The following ETV5 variants were observed in gnomAD, a reference collection of about 807,000 sequenced individuals.
ETV5 encodes the protein ETS variant transcription factor 5.
Under a neutral mutation model 70.0 loss-of-function variants are expected in ETV5, and 10 were observed. That is an observed-to-expected ratio of 0.14 (90% CI 0.09 to 0.24). The LOEUF is 0.24. Ranked by LOEUF, ETV5 falls within the 10% of genes least tolerant of loss-of-function variation. The pLI, the probability that ETV5 is intolerant of heterozygous loss-of-function variation, is 1.00. For synonymous variants in ETV5, 216 were observed against 242.2 expected (o/e 0.89, Z 1.01); for missense variants, 453 against 651.2 (o/e 0.70, Z 3.31).
intron 7 of ETV5, among the ~76,000 whole-genome samples, chr3:186,074,307 T>C (rs1164420939): frequency 1.3e-5 from 2 of 152,134 alleles, no homozygotes; most frequent in Admixed American, 6.5e-5. Flanking sequence ...AACTGTAAAA[T>C]GTGAAGACAC....
rs928566701 is a variant in ETV5, at chr3:186,065,880, G to C, written c.843C>G (p.Pro281=). ...TTGGTGACTGGAACCCGTGTGCTGG[G>C]GGCCCTGGCATGCCCGGGACCCCAT... ...YEHGVPGMPG[P]PAHGFQSPMG... Residue 281 remains proline (P), a synonymous_variant, in exon 8 of 13, where the codon CCC becomes CCG. Coordinates refer to ENST00000306376, the MANE Select transcript of ETV5 (RefSeq NM_004454.3). 5 of 1,614,032 alleles carry C rather than the reference G, an allele frequency of 3.1e-6. No homozygotes were observed. The highest frequency in any genetic ancestry group is 1.7e-4 in the Middle Eastern group (1 of 6,060).
At chr3:186,083,619 T>A (rs1713984711) in intron 5 of ETV5, among the ~76,000 whole-genome samples, 2 of 152,250 alleles carry the variant, frequency 1.3e-5, no homozygotes, top group Non-Finnish European at 2.9e-5. Context: ...CACATCATTT[T>A]GGCTCTAAAT....
chr3:186,084,281 C>CAA, intron 5 of ETV5: 1 of 169,828 alleles, frequency 5.9e-6, no homozygotes. Flanking sequence ...AAAAGAAATG[C>CAA]TAAAAAAAAA....
intron 7 of ETV5, chr3:186,076,731 C>T (rs372639519): frequency 1.6e-5 from 3 of 188,956 alleles, no homozygotes; most frequent in African/African-American, 7.0e-5. Flanking sequence ...GTCTAAATCA[C>T]AGGTTTTTAT....
chr3:186,049,318 A>G (rs1166783341), intron 12 of ETV5, among the ~76,000 whole-genome samples: 1 of 152,222 alleles, frequency 6.6e-6, no homozygotes, highest in Non-Finnish European at 1.5e-5. Context: ...CAGAAGCCTT[A>G]AGTATGTTCC....
intron 5 of ETV5, among the ~76,000 whole-genome samples, chr3:186,093,806 G>A (rs1714242858): frequency 6.6e-6 from 1 of 152,186 alleles, no homozygotes; most frequent in South Asian, 2.1e-4. Flanking sequence ...CAGACAGGGG[G>A]AAAGATGGGG....
rs1206443125 is a variant in ETV5, at chr3:186,057,492, C to T, written c.971-1G>A. The T allele has an allele frequency of 6.2e-7, 1 of 1,612,598 alleles. No individual in the cohort carries two copies. Among genetic ancestry groups the T allele is most frequent in the African/African-American group, 1.3e-5 (1 of 74,850 alleles). On this transcript the variant is annotated splice_acceptor_variant, in intron 9 of 12. Coordinates refer to ENST00000306376, the MANE Select transcript of ETV5 (RefSeq NM_004454.3). LOFTEE classifies it high-confidence loss of function. This position sits in a 1 kb window ranked among gnomAD's most constrained non-coding sequence, Gnocchi z 4.9. ...CGGGGATCTTTTTCATATGAAAAAC[C>T]TGAAAGAGAATTTAAAAGAAAGACT...
chr3:186,106,535 G>A (rs1042105700), intron 1 of ETV5, among the ~76,000 whole-genome samples: 1 of 152,144 alleles, frequency 6.6e-6, no homozygotes, highest in Non-Finnish European at 1.5e-5. Context: ...AACAGATATA[G>A]CATCTGTAAT....
intron 5 of ETV5, among the ~76,000 whole-genome samples, chr3:186,093,552 C>T (rs1407141542): frequency 3.3e-5 from 5 of 152,130 alleles, no homozygotes; most frequent in Non-Finnish European, 7.3e-5. Flanking sequence ...CAATCAAATA[C>T]CCAGATGAAA....
At chr3:186,051,378 C>T (rs1235652416) in intron 12 of ETV5, among the ~76,000 whole-genome samples, 3 of 152,336 alleles carry the variant, frequency 2.0e-5, no homozygotes, top group African/African-American at 7.2e-5. Context: ...CTTGCCATTC[C>T]CATCTTCTAC....
At chr3:186,088,258 C>G (rs1180263918) in intron 5 of ETV5, among the ~76,000 whole-genome samples, 1 of 152,244 alleles carries the variant, frequency 6.6e-6, no homozygotes, top group Non-Finnish European at 1.5e-5. Flanking sequence ...CAGAAGCTGA[C>G]CAGAGCACTG....
chr3:186,092,415 C>T (rs954458178), intron 5 of ETV5, among the ~76,000 whole-genome samples: 1 of 152,092 alleles, frequency 6.6e-6, no homozygotes, highest in Admixed American at 6.6e-5. Context: ...TTTTCCCCAC[C>T]TGGGTTTCAT....
chr3:186,108,470 C>T (rs1161577001), intron 1 of ETV5: 8 of 1,261,386 alleles, frequency 6.3e-6, no homozygotes, highest in Admixed American at 2.3e-5. Flanking sequence ...TGTCATTTAC[C>T]CCCTCCCGGT....
At position 186,064,461 on chromosome 3, in the gene ETV5, T is replaced by G; in HGVS notation, c.926A>C (p.Gln309Pro). The G allele has an allele frequency of 2.5e-6, 4 of 1,614,174 alleles. No homozygotes were observed. The highest frequency in any genetic ancestry group is 2.5e-6 in the Non-Finnish European group (3 of 1,180,028). The part of the protein sequence containing the change: ...YCVDSEVPNC[Q>P]SSYMRGGYFS... ...ATAACCCCCTCTCATGTAGGATGAC[T>G]GGCAGTTAGGCACTTCTGAAAGGAA... is the stretch of plus-strand genomic sequence containing the variant. The change falls in exon 9 of 13, where the codon CAG (glutamine) becomes CCG (proline). Residue 309 changes from glutamine to proline, a missense_variant. Gln to Pro is a moderately conservative substitution (Grantham distance 76). Transcript: ENST00000306376.
At chr3:186,086,252 T>C (rs1410919910) in intron 5 of ETV5, among the ~76,000 whole-genome samples, 2 of 152,248 alleles carry the variant, frequency 1.3e-5, no homozygotes, top group Non-Finnish European at 2.9e-5. Context: ...TGTATTGCCT[T>C]GCAGACAACC....
At chr3:186,086,106 A>T (rs1714053199) in intron 5 of ETV5, among the ~76,000 whole-genome samples, 2 of 152,292 alleles carry the variant, frequency 1.3e-5, no homozygotes, top group South Asian at 4.2e-4. Flanking sequence ...CCCCTATTTG[A>T]CTATAAGAAC....
chr3:186,098,472 A>AGC (rs1352210371), intron 5 of ETV5, among the ~76,000 whole-genome samples: 1 of 152,144 alleles, frequency 6.6e-6, no homozygotes, highest in Non-Finnish European at 1.5e-5. Context: ...GGAGGGGACA[A>AGC]GCTACCTATT....
In ETV5 at chr3:186,059,449, A is replaced by G. The variant is rs893088206; in HGVS notation, c.971-1958T>C. On this transcript the variant is annotated intron_variant, in intron 9 of 12. Coordinates refer to ENST00000306376, the MANE Select transcript of ETV5 (RefSeq NM_004454.3). ...AGGAGAAAAAGAAACGAGAGGTGGC[A>G]TAGTACTGATGGACTCCAGTCAGCT... Among the ~76,000 whole-genome samples the G allele has an allele frequency of 5.9e-5, 9 of 152,208 alleles. No individual in the cohort carries two copies. In the East Asian group the frequency reaches 1.7e-3, roughly 29 times the overall value.
intron 7 of ETV5, among the ~76,000 whole-genome samples, chr3:186,069,491 A>C (rs1412813024): frequency 6.6e-6 from 1 of 151,124 alleles, no homozygotes; most frequent in Non-Finnish European, 1.5e-5. Flanking sequence ...CAGAAAAGAG[A>C]GACGAAGTTG....
Sources: gnomAD v4.1 joint callset for allele counts (sites outside exome capture counted in the v4.1 genomes callset) on GRCh38, gnomAD v4.1.1 for gene constraint, Gnocchi (gnomAD v3.1) non-coding constraint, MANE v1.5 for transcripts, NCBI Gene and HGNC (gene_info 2026-07-23, HGNC 2026-07-21) for gene names.